The following DOCK8 variants were observed in gnomAD, a reference collection of about 807,000 sequenced individuals.
DOCK8 encodes the protein dedicator of cytokinesis protein 8.
Under a neutral mutation model 245.6 loss-of-function variants are expected in DOCK8, and 141 were observed. That is an observed-to-expected ratio of 0.57 (90% CI 0.50 to 0.66). The LOEUF (loss-of-function observed/expected upper bound fraction) is 0.66, where lower values mean the gene tolerates loss of function less well. Among genes scored for constraint, DOCK8 ranks in the 30% least tolerant of loss-of-function variants. The probability of loss-of-function intolerance (pLI) is 0.00; values close to 1 mark genes in which losing one functional copy is unlikely to be tolerated. For synonymous variants in DOCK8, 1,168 were observed against 970.2 expected (o/e 1.20, Z -3.79); for missense variants, 2,965 against 2,603.4 (o/e 1.14, Z -3.02).
chr9:447,888 G>T (rs1238632101), intron 44 of DOCK8, among the ~76,000 whole-genome samples: 1 of 152,190 alleles, frequency 6.6e-6, no homozygotes, highest in African/African-American at 2.4e-5. Flanking sequence ...GACTCAGTCG[G>T]GAGGAGGTGG....
intron 29 of DOCK8, among the ~76,000 whole-genome samples, chr9:416,811 G>A (rs564586025): frequency 3.3e-5 from 5 of 152,266 alleles, no homozygotes; most frequent in African/African-American, 9.6e-5. Flanking sequence ...TTCTATAAAA[G>A]CATTTTGCAC....
At chr9:244,083 G>C (rs972659809) in intron 1 of DOCK8, among the ~76,000 whole-genome samples, 8 of 151,706 alleles carry the variant, frequency 5.3e-5, no homozygotes, top group African/African-American at 1.9e-4. Flanking sequence ...AGCTACTCTG[G>C]AGGCTGAGGC....
intron 1 of DOCK8, among the ~76,000 whole-genome samples, chr9:225,762 T>C (rs761490791): frequency 1.3e-5 from 2 of 152,106 alleles, no homozygotes; most frequent in Non-Finnish European, 2.9e-5. Flanking sequence ...ACAGAGAATG[T>C]AAACGGGCCA....
At chr9:215,382 C>A in intron 1 of DOCK8, 1 of 1,585,476 alleles carries the variant, frequency 6.3e-7, no homozygotes, top group Non-Finnish European at 8.6e-7. Context: ...TTGGGCGCGC[C>A]ACGGAGTGTC....
intron 6 of DOCK8, among the ~76,000 whole-genome samples, chr9:313,250 A>G (rs1025847248): frequency 6.6e-6 from 1 of 152,238 alleles, no homozygotes; most frequent in African/African-American, 2.4e-5. Flanking sequence ...ACATCTTCCG[A>G]GAAAGAAGAA....
intron 34 of DOCK8, among the ~76,000 whole-genome samples, chr9:427,849 A>G (rs567384780): frequency 1.3e-5 from 2 of 152,356 alleles, no homozygotes; most frequent in African/African-American, 4.8e-5. Flanking sequence ...ATATAGCACA[A>G]TATTAGGTGC....
At position 271,777 on chromosome 9, in the gene DOCK8, T is replaced by TGTTC. The variant is rs1047339805; in HGVS notation, c.156+49_156+50insTTCG. On this transcript the variant is annotated intron_variant, in intron 2 of 47. Transcript: ENST00000432829. The stretch of plus-strand genomic sequence containing the variant: ...CTTAGCGATTGGTCAAGTGCAAAAG[T>TGTTC]GCCCAGGGTATGTGTTTGCCTCCTG... 4 of 1,361,806 alleles carry TGTTC rather than the reference T, an allele frequency of 2.9e-6. No homozygotes were observed. In the African/African-American group the frequency reaches 6.1e-5, roughly 21 times the overall value. The allele number at this position is 1,361,806 out of a possible 1,614,324, so 84.4% of individuals were successfully genotyped here. A position where few individuals can be genotyped will look rare whatever the true frequency, so the allele number is the denominator to read the frequency against.
intron 3 of DOCK8, among the ~76,000 whole-genome samples, chr9:287,194 A>G (rs949648292): frequency 6.6e-6 from 1 of 152,192 alleles, no homozygotes; most frequent in African/African-American, 2.4e-5. Flanking sequence ...ATGCAGTGCT[A>G]AAACAGTGGG....
At chr9:382,198 C>G (rs2053747596) in intron 21 of DOCK8, among the ~76,000 whole-genome samples, 1 of 152,054 alleles carries the variant, frequency 6.6e-6, no homozygotes, top group African/African-American at 2.4e-5. Context: ...CATGAGAAAT[C>G]AGAAGCTCTA....
At chr9:455,223 A>G (rs1329905355) in intron 46 of DOCK8, among the ~76,000 whole-genome samples, 2 of 152,206 alleles carry the variant, frequency 1.3e-5, no homozygotes, top group African/African-American at 2.4e-5. Flanking sequence ...GGCCTGATGC[A>G]GTGGCTCCGC....
chr9:437,664 A>G (rs576562553), intron 39 of DOCK8, among the ~76,000 whole-genome samples: 4 of 152,238 alleles, frequency 2.6e-5, no homozygotes, highest in South Asian at 2.1e-4. Context: ...TTCTGCTCCA[A>G]TGAAATAGAG....
intron 9 of DOCK8, among the ~76,000 whole-genome samples, chr9:328,941 CTTTTTT>C (rs1165346763): frequency 3.2e-4 from 23 of 71,350 alleles, no homozygotes; most frequent in African/African-American, 9.2e-4. Flanking sequence ...CTTATTGATT[CTTTTTT>C]TTTTTTTTTT....
intron 22 of DOCK8, among the ~76,000 whole-genome samples, chr9:383,545 A>G (rs1276486290): frequency 1.3e-5 from 2 of 152,098 alleles, no homozygotes; most frequent in Non-Finnish European, 2.9e-5. Context: ...AAAAAGATAC[A>G]AAACATTAGT....
At chr9:267,366 T>C (rs1216664198) in intron 1 of DOCK8, among the ~76,000 whole-genome samples, 1 of 152,066 alleles carries the variant, frequency 6.6e-6, no homozygotes, top group East Asian at 1.9e-4. Flanking sequence ...CCACCATACC[T>C]GGCTAATTTT....
intron 32 of DOCK8, 94 bp from the exon 33 acceptor site, chr9:421,954 C>T: frequency 9.1e-7 from 1 of 1,104,000 alleles, no homozygotes; most frequent in Non-Finnish European, 1.4e-6. Context: ...AGAAATGGTG[C>T]TGAGGCTTCT....
chr9:414,899 A>C lies in DOCK8; in HGVS notation c.3648A>C (p.Leu1216=). 6.2e-7 allele frequency: 1 copy of C among 1,614,086 alleles called. No individual in the cohort carries two copies. Among genetic ancestry groups the C allele is most frequent in the Non-Finnish European group, 8.5e-7 (1 of 1,180,018 alleles). Residue 1216 remains leucine (L), a synonymous_variant, in exon 29 of 48, where the codon CTA becomes CTC. Transcript: ENST00000432829. ...AGGTCAAAATCGCCGCCCTTTACCT[A>C]CCTTTAGTTGGCATCATTTTGGATG... ...EVKVKIAALY[L]PLVGIILDAL... is the part of the protein sequence containing the mutation.
chr9:345,736 G>T (rs981187906), intron 14 of DOCK8, among the ~76,000 whole-genome samples: 1 of 152,106 alleles, frequency 6.6e-6, no homozygotes, highest in Admixed American at 6.5e-5. Context: ...CAGGTGTCCT[G>T]CGTGGGGCAC....
chr9:316,046 A>T lies in DOCK8; in HGVS notation c.742-997A>T, dbSNP rs1477260748. 2.0e-5 allele frequency among the ~76,000 whole-genome samples: 3 copies of T among 152,232 alleles called. No individual in the cohort carries two copies. The East Asian group carries it at 5.8e-4, about 29-fold the overall frequency. On this transcript the variant is annotated intron_variant, in intron 6 of 47. Transcript: ENST00000432829. ...GCCGTAACCACAAGGAATGGGGACC[A>T]CAGGGAGAGGTTGGAGTAATGATGA...
intron 14 of DOCK8, among the ~76,000 whole-genome samples, chr9:358,449 A>G (rs937400768): frequency 6.6e-5 from 10 of 152,252 alleles, no homozygotes; most frequent in African/African-American, 2.2e-4. Flanking sequence ...AACAAGGTAT[A>G]AAATTTCTGA....
Sources: gnomAD v4.1 joint callset for allele counts (sites outside exome capture counted in the v4.1 genomes callset) on GRCh38, gnomAD v4.1.1 for gene constraint, MANE v1.5 for transcripts, NCBI Gene and HGNC (gene_info 2026-07-23, HGNC 2026-07-21) for gene names.